Variants in FGD4 observed in about 807,000 individuals in gnomAD.
FGD4 encodes the protein FYVE, RhoGEF and PH domain-containing protein 4.
A neutral mutation model predicts 102.0 loss-of-function variants in FGD4; 42 were observed. That is an observed-to-expected ratio of 0.41 (90% CI 0.32 to 0.53). The LOEUF is 0.53. Ranked by LOEUF, FGD4 falls within the 20% of genes least tolerant of loss-of-function variation. The probability of loss-of-function intolerance (pLI) is 0.21; values close to 1 mark genes in which losing one functional copy is unlikely to be tolerated. For synonymous variants in FGD4, 380 were observed against 375.7 expected (o/e 1.01, Z -0.13); for missense variants, 902 against 1,078.2 (o/e 0.84, Z 2.29).
rs182063820 is a variant in FGD4 at position 32,482,620 on chromosome 12, G to A, written c.167-81517G>A. ...TATATATAAAATGATTTGCTTACAA[G>A]TAGATTAAATACAGAGTTTCCAGGA... On this transcript the variant is annotated intron_variant, in intron 1 of 16. Coordinates refer to ENST00000534526, the MANE Select transcript of FGD4 (RefSeq NM_001370298.3). 2.3e-3 allele frequency among the ~76,000 whole-genome samples: 344 copies of A among 152,288 alleles called. 1 individual carries two copies. In the South Asian group the frequency reaches 0.027, roughly 12 times the overall value.
intron 1 of FGD4, among the ~76,000 whole-genome samples, chr12:32,531,321 A>G (rs73303524): frequency 0.02 from 3,092 of 152,258 alleles, 103 homozygotes; most frequent in African/African-American, 0.07. Context: ...AAGATAATTT[A>G]CATACATTAA....
At chr12:32,580,115 T>C (rs1231924095) in intron 3 of FGD4, among the ~76,000 whole-genome samples, 1 of 152,290 alleles carries the variant, frequency 6.6e-6, no homozygotes, top group African/African-American at 2.4e-5. Flanking sequence ...GTCCTTCTGC[T>C]CCAGTACATC....
In FGD4 at chr12:32,643,540, C is replaced by A. The variant is rs928842782; in HGVS notation, c.*3007C>A. ...TTTTCCCTGAAGTTTAATTTGACATCAGGTTTGTGTACTTATCTTCACTAG... is the reference window on the plus strand; with the variant it reads ...TTTTCCCTGAAGTTTAATTTGACATAAGGTTTGTGTACTTATCTTCACTAG... On this transcript the variant is annotated 3_prime_UTR_variant, in exon 17 of 17. Coordinates refer to ENST00000534526, the MANE Select transcript of FGD4 (RefSeq NM_001370298.3). 5 of 152,020 alleles carry A rather than the reference C, an allele frequency of 3.3e-5. No individual in the cohort carries two copies. Among genetic ancestry groups the A allele is most frequent in the Non-Finnish European group, 7.4e-5 (5 of 67,936 alleles). 9.4% of individuals were successfully genotyped at this position (152,020 alleles called of 1,614,324 possible). A position where few individuals can be genotyped will look rare whatever the true frequency, so the allele number is the denominator to read the frequency against.
chr12:32,566,170 T>G (rs1305767531), intron 2 of FGD4, among the ~76,000 whole-genome samples: 1 of 152,206 alleles, frequency 6.6e-6, no homozygotes, highest in Non-Finnish European at 1.5e-5. Context: ...AATGAGGGCC[T>G]GCTTTGTGGT....
chr12:32,507,896 T>C (rs1938946076), intron 1 of FGD4, among the ~76,000 whole-genome samples: 2 of 152,262 alleles, frequency 1.3e-5, no homozygotes, highest in African/African-American at 2.4e-5. Flanking sequence ...TCCCTGAATG[T>C]TGAAATATTT....
chr12:32,444,020 T>C (rs1178367815), intron 1 of FGD4, among the ~76,000 whole-genome samples: 5 of 130,286 alleles, frequency 3.8e-5, no homozygotes, highest in South Asian at 2.3e-4. Context: ...GACTTTGTTT[T>C]CTTTTTTTTT....
intron 1 of FGD4, among the ~76,000 whole-genome samples, chr12:32,551,199 T>C (rs1051085124): frequency 2.0e-5 from 3 of 152,018 alleles, no homozygotes; most frequent in Admixed American, 2.0e-4. Context: ...CAGGCAGTAG[T>C]GAGGGCAAAT....
intron 1 of FGD4, among the ~76,000 whole-genome samples, chr12:32,536,689 G>A (rs1474130892): frequency 1.3e-5 from 2 of 152,136 alleles, no homozygotes; most frequent in Non-Finnish European, 2.9e-5. Flanking sequence ...GCAGGCAGAA[G>A]GAAAACACTT....
In FGD4 at chr12:32,403,842, G is replaced by A. The variant is rs185175187; in HGVS notation, c.166+3883G>A. Among the ~76,000 whole-genome samples, 193 of 152,048 alleles carry A rather than the reference G, an allele frequency of 1.3e-3. No individual in the cohort carries two copies. The Middle Eastern group carries it at 0.031, about 24-fold the overall frequency. ...AATATCATGACCTCGTGATCCGCCCGCCTCGGCCTCCCAAAGTGCTGGGAT... is the reference window on the plus strand; with the variant it reads ...AATATCATGACCTCGTGATCCGCCCACCTCGGCCTCCCAAAGTGCTGGGAT... On this transcript the variant is annotated intron_variant, in intron 1 of 16. Coordinates refer to ENST00000534526, the MANE Select transcript of FGD4 (RefSeq NM_001370298.3).
intron 1 of FGD4, among the ~76,000 whole-genome samples, chr12:32,462,239 C>G (rs1172034716): frequency 6.6e-6 from 1 of 152,048 alleles, no homozygotes; most frequent in Non-Finnish European, 1.5e-5. Flanking sequence ...TCACTGCAAC[C>G]TCCACCTCCC....
In FGD4 at chr12:32,593,277, T is replaced by C. The variant is rs182043242; in HGVS notation, c.1012-5220T>C. Among the ~76,000 whole-genome samples the C allele has an allele frequency of 1.7e-3, 257 of 152,320 alleles. 3 individuals are homozygous for C. Among genetic ancestry groups the C allele is most frequent in the Non-Finnish European group, 8.8e-5 (6 of 68,032 alleles). On this transcript the variant is annotated intron_variant, in intron 4 of 16. Transcript: ENST00000534526. ...GTTAGTTTTTGTTATTATGGTGGTA[T>C]TATTATTGCTGTTTTAATTGACCTA...
intron 1 of FGD4, among the ~76,000 whole-genome samples, chr12:32,546,633 C>G (rs531252394): frequency 6.6e-6 from 1 of 152,304 alleles, no homozygotes; most frequent in East Asian, 1.9e-4. Context: ...TCAGGCCTAG[C>G]AGAAACTGCA....
intron 1 of FGD4, among the ~76,000 whole-genome samples, chr12:32,525,964 A>G (rs924369486): frequency 2.0e-5 from 3 of 152,308 alleles, no homozygotes; most frequent in Non-Finnish European, 4.4e-5. Flanking sequence ...CACCCACTCC[A>G]TGGGCTCCTG....
In FGD4 at chr12:32,625,695, T is replaced by C. The variant is rs1162721452; in HGVS notation, c.2088T>C (p.Asp696=). ...LGKRAPRWIR[D]NEVTMCMKCK... is the part of the protein sequence containing the mutation. Reference sequence around the variant, plus strand: ...AAAGAGCCCCAAGATGGATCCGAGATAATGAAGTGACAATGTGTATGAAAT... The same window carrying C: ...AAAGAGCCCCAAGATGGATCCGAGACAATGAAGTGACAATGTGTATGAAAT... The change falls in exon 14 of 17, where the codon GAT becomes GAC. Residue 696 remains aspartate, a synonymous_variant. Transcript: ENST00000534526. 1.2e-6 allele frequency: 2 copies of C among 1,614,088 alleles called. No individual in the cohort carries two copies. Among genetic ancestry groups the C allele is most frequent in the Non-Finnish European group, 1.7e-6 (2 of 1,180,008 alleles).
chr12:32,441,051 T>C (rs1404683922), intron 1 of FGD4, among the ~76,000 whole-genome samples: 1 of 152,120 alleles, frequency 6.6e-6, no homozygotes, highest in Non-Finnish European at 1.5e-5. Flanking sequence ...GGAAGTGGGC[T>C]CCCCTCTGGC....
intron 14 of FGD4, among the ~76,000 whole-genome samples, chr12:32,631,916 G>T (rs1168397058): frequency 6.6e-6 from 1 of 152,182 alleles, no homozygotes; most frequent in Non-Finnish European, 1.5e-5. Context: ...AAATGTGTTT[G>T]CATGTGCATT....
At chr12:32,430,949 C>T (rs1483094732) in intron 1 of FGD4, among the ~76,000 whole-genome samples, 1 of 152,178 alleles carries the variant, frequency 6.6e-6, no homozygotes, top group Non-Finnish European at 1.5e-5. Flanking sequence ...AAGGAGGAAA[C>T]TGCCAATGAT....
intron 3 of FGD4, among the ~76,000 whole-genome samples, chr12:32,580,686 G>A (rs1238895580): frequency 6.6e-6 from 1 of 152,018 alleles, no homozygotes; most frequent in Non-Finnish European, 1.5e-5. Context: ...AGGAGATCGA[G>A]ACCATCCTGG....
At chr12:32,585,246 ATATATATATATG>A (rs1175356093) in intron 4 of FGD4, among the ~76,000 whole-genome samples, 1 of 122,828 alleles carries the variant, frequency 8.1e-6, no homozygotes, top group Non-Finnish European at 1.7e-5. Flanking sequence ...ATATATATAT[ATATATATATATG>A]TATATCTTAA....
Sources: allele counts gnomAD v4.1 joint callset (sites outside exome capture counted in the v4.1 genomes callset), GRCh38; gene constraint gnomAD v4.1.1; transcripts MANE v1.5; gene names NCBI Gene and HGNC (gene_info 2026-07-23, HGNC 2026-07-21).